The following NLGN4X variants were observed in gnomAD, a reference collection of about 807,000 sequenced individuals.
NLGN4X encodes the protein neuroligin 4 X-linked, also known as neuroligin-4, X-linked.
Under a neutral mutation model 40.3 loss-of-function variants are expected in NLGN4X, and 3 were observed. The observed-to-expected ratio is 0.07, with a 90% CI of 0.03 to 0.19. NLGN4X has a LOEUF of 0.19. Ranked by LOEUF, NLGN4X falls within the 10% of genes least tolerant of loss-of-function variation. NLGN4X has a pLI of 1.00. For missense variants in NLGN4X, 382 were observed against 708.3 expected, an observed-to-expected ratio of 0.54 and a Z score of 5.23; for synonymous variants, 270 against 306.8, an observed-to-expected ratio of 0.88 and a Z score of 1.25.
chrX:6,065,620 T>C (rs1487256213), intron 2 of NLGN4X, among the ~76,000 whole-genome samples: 1 of 111,331 alleles, frequency 9.0e-6, no homozygotes, highest in African/African-American at 3.3e-5. Flanking sequence ...AAATTCCTCC[T>C]GGGCTATCAG....
chrX:5,910,502 GC>G (rs1843081007), intron 3 of NLGN4X, among the ~76,000 whole-genome samples: 1 of 111,163 alleles, frequency 9.0e-6, no homozygotes, highest in South Asian at 3.8e-4. Flanking sequence ...AAGACAGGCT[GC>G]TTTAAGCCCT....
intron 3 of NLGN4X, chrX:5,991,467 C>T: frequency 1.9e-6 from 1 of 520,898 alleles, no homozygotes; most frequent in Non-Finnish European, 3.5e-6. Context: ...CCCATGGTGC[C>T]TGCAGGTGCA....
intron 1 of NLGN4X, among the ~76,000 whole-genome samples, chrX:6,212,197 G>A (rs4826715): frequency 0.15 from 16,115 of 106,893 alleles, 1,142 homozygotes; most frequent in African/African-American, 0.26. Context: ...GTGAGCCAAG[G>A]TCGCGCCACT....
intron 3 of NLGN4X, among the ~76,000 whole-genome samples, chrX:5,928,020 C>T (rs2033397013): frequency 8.9e-6 from 1 of 111,768 alleles, no homozygotes; most frequent in Admixed American, 9.5e-5. Flanking sequence ...CCCATTACTT[C>T]CTTTTCATTC....
At chrX:5,939,840 T>C (rs951435847) in intron 3 of NLGN4X, among the ~76,000 whole-genome samples, 7 of 111,839 alleles carry the variant, frequency 6.3e-5, no homozygotes, top group Non-Finnish European at 1.1e-4. Context: ...CTTCAGGATG[T>C]GGTGTATCCG....
intron 1 of NLGN4X, among the ~76,000 whole-genome samples, chrX:6,156,613 CAG>C (rs1487142419): frequency 8.9e-6 from 1 of 111,858 alleles, no homozygotes; most frequent in Non-Finnish European, 1.9e-5. Flanking sequence ...AATGCAGAAA[CAG>C]AAAATCAAAT....
chrX:5,968,687 G>C (rs1415434400), intron 3 of NLGN4X, among the ~76,000 whole-genome samples: 1 of 107,841 alleles, frequency 9.3e-6, no homozygotes, highest in Non-Finnish European at 1.9e-5. Context: ...TAATGACATA[G>C]TTTTTCTGGA....
At chrX:6,156,514 A>G (rs1260678105) in intron 1 of NLGN4X, among the ~76,000 whole-genome samples, 1 of 112,255 alleles carries the variant, frequency 8.9e-6, no homozygotes, top group Non-Finnish European at 1.9e-5. Flanking sequence ...GTCTCAAAAA[A>G]ACAAAACAAA....
At chrX:6,141,330 T>G (rs764908953) in intron 2 of NLGN4X, among the ~76,000 whole-genome samples, 6 of 111,832 alleles carry the variant, frequency 5.4e-5, no homozygotes, top group Admixed American at 9.5e-5. Context: ...AATCTTGCAA[T>G]GAAAGATAAA....
chrX:5,965,508 T>C (rs1201643591), intron 3 of NLGN4X, among the ~76,000 whole-genome samples: 1 of 112,148 alleles, frequency 8.9e-6, no homozygotes, highest in Non-Finnish European at 1.9e-5. Flanking sequence ...TGGTCCTCAG[T>C]AGCTTCAGAG....
At chrX:5,979,013 C>CAT (rs1345287640) in intron 3 of NLGN4X, among the ~76,000 whole-genome samples, 2 of 110,862 alleles carry the variant, frequency 1.8e-5, no homozygotes, top group African/African-American at 3.3e-5. Flanking sequence ...TACACACACA[C>CAT]ATATATATAC....
intron 1 of NLGN4X, among the ~76,000 whole-genome samples, chrX:6,155,142 TA>T (rs1202354138): frequency 6.4e-5 from 7 of 109,725 alleles, no homozygotes; most frequent in South Asian, 3.9e-4. Context: ...TAGATGCTTT[TA>T]AAAAAAAATA....
At chrX:6,095,351 G>T (rs191770004) in intron 2 of NLGN4X, among the ~76,000 whole-genome samples, 2 of 111,586 alleles carry the variant, frequency 1.8e-5, no homozygotes, top group East Asian at 5.6e-4. Flanking sequence ...GCCTCAAGCT[G>T]TGCATAAATC....
At chrX:6,140,364 C>G (rs62588032) in intron 2 of NLGN4X, among the ~76,000 whole-genome samples, 515 of 109,484 alleles carry the variant, frequency 4.7e-3, no homozygotes, top group Middle Eastern at 0.023. Context: ...TGTTGTAAAA[C>G]TTGGCACTTC....
intron 2 of NLGN4X, among the ~76,000 whole-genome samples, chrX:6,049,258 AGGGGAGGGGAG>A (rs2037414075): frequency 1.6e-4 from 1 of 6,343 alleles, no homozygotes; most frequent in African/African-American, 5.1e-4. Context: ...AGGGGAGGGG[AGGGGAGGGGAG>A]GGGAGGAAAA....
chrX:6,045,669 A>T (rs1289404777), intron 2 of NLGN4X, among the ~76,000 whole-genome samples: 1 of 111,794 alleles, frequency 8.9e-6, no homozygotes, highest in African/African-American at 3.2e-5. Flanking sequence ...TGGTACTATT[A>T]ATGTATTTAA....
intron 3 of NLGN4X, among the ~76,000 whole-genome samples, chrX:6,018,163 CATAT>C (rs749422098): frequency 9.3e-6 from 1 of 107,398 alleles, no homozygotes; most frequent in Non-Finnish European, 1.9e-5. Context: ...TGTATGTACA[CATAT>C]ATGTATGTAT....
intron 2 of NLGN4X, among the ~76,000 whole-genome samples, chrX:6,043,789 C>G (rs190501114): frequency 9.0e-6 from 1 of 111,558 alleles, no homozygotes; most frequent in Non-Finnish European, 1.9e-5. Context: ...TCTGAGTATG[C>G]TGTAATAGAG....
At chrX:6,084,835 T>C (rs1444542574) in intron 2 of NLGN4X, among the ~76,000 whole-genome samples, 2 of 110,768 alleles carry the variant, frequency 1.8e-5, no homozygotes, top group East Asian at 5.7e-4. Flanking sequence ...CAGATCATGG[T>C]GCCTTGATCT....
Sources: allele counts gnomAD v4.1 joint callset (sites outside exome capture counted in the v4.1 genomes callset), GRCh38; gene constraint gnomAD v4.1.1; transcripts MANE v1.5; gene names NCBI Gene and HGNC (gene_info 2026-07-23, HGNC 2026-07-21).